Variants in RNF38 observed in about 807,000 individuals in gnomAD.
The protein encoded by RNF38 is ring finger protein 38.
In RNF38, 15 loss-of-function variants were observed where a neutral mutation model predicts 67.2. The ratio of observed to expected loss-of-function variants is 0.22; its 90% CI spans 0.15 to 0.34. The LOEUF is 0.34. Ranked by LOEUF, RNF38 falls within the 10% of genes least tolerant of loss-of-function variation. The pLI is 1.00. For missense variants in RNF38, 524 were observed against 639.9 expected (o/e 0.82, Z 1.95); for synonymous variants, 220 against 218.8 (o/e 1.01, Z -0.05).
At chr9:36,465,970 T>G (rs1839852275) in intron 1 of RNF38, among the ~76,000 whole-genome samples, 1 of 152,068 alleles carries the variant, frequency 6.6e-6, no homozygotes, top group East Asian at 1.9e-4. Flanking sequence ...GAGAATGGTG[T>G]GAACCCAGGA....
chr9:36,441,218 T>C (rs1839184294), intron 1 of RNF38, among the ~76,000 whole-genome samples: 1 of 152,184 alleles, frequency 6.6e-6, no homozygotes, highest in African/African-American at 2.4e-5. Context: ...ATTGTGACCT[T>C]AGCTATTTAT....
chr9:36,338,740 T>C lies in RNF38; in HGVS notation c.*1012A>G, dbSNP rs1010669301. ...TTAATCAAATATCTTCAGAATAGAC[T>C]AGACTACAAATCTAAACATTAAAAA... On this transcript the variant is annotated 3_prime_UTR_variant, in exon 12 of 12. Transcript: ENST00000259605. The C allele has an allele frequency of 2.0e-5, 3 of 150,408 alleles. No individual in the cohort carries two copies. The highest frequency in any genetic ancestry group is 7.3e-5 in the African/African-American group (3 of 41,266). 9.3% of individuals were successfully genotyped at this position (150,408 alleles called of 1,614,324 possible).
chr9:36,401,189 G>C, upstream of RNF38: 1 of 982,530 alleles, frequency 1.0e-6, no homozygotes, highest in Non-Finnish European at 1.2e-6. Flanking sequence ...TTTCCACCCC[G>C]AGGGGGAAGG....
At chr9:36,341,605 G>C (rs1030324480) in intron 11 of RNF38, among the ~76,000 whole-genome samples, 1 of 151,728 alleles carries the variant, frequency 6.6e-6, no homozygotes, top group Non-Finnish European at 1.5e-5. Flanking sequence ...AAATAGCCAG[G>C]TGCAGTATAT....
chr9:36,360,307 A>G (rs1834435689), intron 4 of RNF38, among the ~76,000 whole-genome samples: 1 of 152,106 alleles, frequency 6.6e-6, no homozygotes, highest in Non-Finnish European at 1.5e-5. Flanking sequence ...TACGAAGATA[A>G]TTTTTATCTA....
chr9:36,389,525 A>G (rs916645205), intron 2 of RNF38, among the ~76,000 whole-genome samples: 1 of 152,204 alleles, frequency 6.6e-6, no homozygotes, highest in Non-Finnish European at 1.5e-5. Flanking sequence ...TCCACATCTT[A>G]AAAACTATCA....
Position 36,339,471 on chromosome 9 carries a change from C to A in RNF38, c.*281G>T. On this transcript the variant is annotated 3_prime_UTR_variant, in exon 12 of 12. Coordinates refer to ENST00000259605, the MANE Select transcript of RNF38 (RefSeq NM_022781.5). ...TCCACTGTAATCTTGCAGCAACACT[C>A]GGAATGATCACACAAAAACCAGGGA... 1 of 403,700 alleles carries A rather than the reference C, an allele frequency of 2.5e-6. No individual in the cohort carries two copies. Among genetic ancestry groups the A allele is most frequent in the East Asian group, 4.0e-5 (1 of 25,202 alleles). 25.0% of individuals were successfully genotyped at this position (403,700 alleles called of 1,614,324 possible). A position where few individuals can be genotyped will look rare whatever the true frequency, so the allele number is the denominator to read the frequency against.
chr9:36,401,011 C>A (rs1352304960), upstream of RNF38: 1 of 984,616 alleles, frequency 1.0e-6, no homozygotes, highest in African/African-American at 1.8e-5. Context: ...AGGCGACTCC[C>A]CTCGCCGCTA....
At chr9:36,459,908 CATT>C (rs558555977) in intron 1 of RNF38, among the ~76,000 whole-genome samples, 22 of 151,664 alleles carry the variant, frequency 1.5e-4, no homozygotes, top group African/African-American at 3.6e-4. Context: ...CGATTAGTAA[CATT>C]GTTGTATTTT....
In RNF38 at chr9:36,378,192, T is replaced by TG. The variant is rs1491439143; in HGVS notation, c.163-2066dup. 2.0e-4 allele frequency among the ~76,000 whole-genome samples: 28 copies of TG among 140,788 alleles called. No individual in the cohort carries two copies. In the East Asian group the frequency reaches 5.9e-3, roughly 29 times the overall value. The allele number at this position is 140,788 out of a possible 152,430, so 92.4% of individuals were successfully genotyped here. ...GACTTTTTTTTTTTTTTTTTTTTTT[T>TG]GTGAGACGGAGTCTTGCTCTGTTGC... is the stretch of plus-strand genomic sequence containing the variant. On this transcript the variant is annotated intron_variant, in intron 2 of 11. Coordinates refer to ENST00000259605, the MANE Select transcript of RNF38 (RefSeq NM_022781.5).
At chr9:36,485,405 T>C (rs1429106497) in intron 1 of RNF38, among the ~76,000 whole-genome samples, 2 of 151,904 alleles carry the variant, frequency 1.3e-5, no homozygotes, top group East Asian at 3.9e-4. Context: ...TCTAAGGTGG[T>C]TGGATCCATT....
At chr9:36,393,816 A>G (rs1837322299) in intron 1 of RNF38, among the ~76,000 whole-genome samples, 2 of 152,096 alleles carry the variant, frequency 1.3e-5, no homozygotes, top group Non-Finnish European at 2.9e-5. Flanking sequence ...TCAGACTAAG[A>G]TGTTGTGAGA....
Position 36,382,079 on chromosome 9 carries a change from T to C in RNF38, c.163-5952A>G, listed in dbSNP as rs550471127. Among the ~76,000 whole-genome samples, 320 of 152,332 alleles carry C rather than the reference T, an allele frequency of 2.1e-3. 1 individual carries two copies. Among genetic ancestry groups the C allele is most frequent in the Middle Eastern group, 6.8e-3 (2 of 294 alleles). On this transcript the variant is annotated intron_variant, in intron 2 of 11. Transcript: ENST00000259605. The stretch of plus-strand genomic sequence containing the variant: ...ATCCCAGGTGATGATGCTTGGATAA[T>C]TTAGATTTTGAATTATCAGGCAGAG...
At chr9:36,439,390 T>C (rs1018285880) in intron 1 of RNF38, among the ~76,000 whole-genome samples, 2 of 152,226 alleles carry the variant, frequency 1.3e-5, no homozygotes, top group African/African-American at 4.8e-5. Context: ...CTCATTTTTT[T>C]TTCCTTACCT....
At chr9:36,440,597 C>T (rs918280479) in intron 1 of RNF38, among the ~76,000 whole-genome samples, 1 of 151,252 alleles carries the variant, frequency 6.6e-6, no homozygotes, top group African/African-American at 2.4e-5. Context: ...CCAAAATATA[C>T]TGTTAAGTGG....
At chr9:36,470,712 A>C (rs1839976621) in intron 1 of RNF38, among the ~76,000 whole-genome samples, 1 of 152,166 alleles carries the variant, frequency 6.6e-6, no homozygotes, top group Admixed American at 6.6e-5. Flanking sequence ...AAACCAACCA[A>C]GGGGATATAC....
intron 1 of RNF38, among the ~76,000 whole-genome samples, chr9:36,456,901 T>C (rs1404387693): frequency 1.3e-5 from 2 of 152,120 alleles, no homozygotes; most frequent in African/African-American, 4.8e-5. Context: ...TCAACCTCCC[T>C]GCTTTATAGA....
intron 1 of RNF38, among the ~76,000 whole-genome samples, chr9:36,450,735 T>C (rs1049756497): frequency 3.9e-5 from 6 of 152,006 alleles, no homozygotes; most frequent in Admixed American, 6.6e-5. Context: ...GCCAACATGT[T>C]AAAACCCCGT....
chr9:36,360,738 AT>A (rs1834462754), intron 4 of RNF38, among the ~76,000 whole-genome samples: 1 of 152,182 alleles, frequency 6.6e-6, no homozygotes, highest in Non-Finnish European at 1.5e-5. Context: ...AGTATGATGA[AT>A]TTTACCAATA....
Sources: allele counts gnomAD v4.1 joint callset (sites outside exome capture counted in the v4.1 genomes callset), GRCh38; gene constraint gnomAD v4.1.1; transcripts MANE v1.5; gene names NCBI Gene and HGNC (gene_info 2026-07-23, HGNC 2026-07-21).